The following HLA-DQA1 variants were observed in gnomAD, a reference collection of about 807,000 sequenced individuals.
HLA-DQA1 encodes HLA class II histocompatibility antigen, DQ alpha 1 chain.
Under a neutral mutation model 20.7 loss-of-function variants are expected in HLA-DQA1, and 10 were observed. The observed-to-expected ratio is 0.48, with a 90% CI of 0.30 to 0.82. The LOEUF is 0.82. HLA-DQA1 is among the 40% of genes least tolerant of loss of function. The pLI is 0.07. For missense variants in HLA-DQA1, 127 were observed against 293.0 expected (o/e 0.43, Z 4.14); for synonymous variants, 39 against 109.2 (o/e 0.36, Z 4.01).
the HLA-DQA1 span, among the ~76,000 whole-genome samples, chr6:32,654,221 C>G: frequency 1.2e-5 from 1 of 83,596 alleles, no homozygotes. Flanking sequence ...GGAGGATGGA[C>G]TGAGCCCAGG....
chr6:32,644,190 C>T (rs998199945), downstream of HLA-DQA1: 32 of 146,324 alleles, frequency 2.2e-4, no homozygotes, highest in African/African-American at 7.7e-4. Flanking sequence ...TCGCCATCTC[C>T]GAGGAGAAAC....
the HLA-DQA1 span, among the ~76,000 whole-genome samples, chr6:32,655,240 T>G: frequency 7.7e-6 from 1 of 129,130 alleles, no homozygotes; most frequent in Non-Finnish European, 1.7e-5. Flanking sequence ...AACTTTTTCT[T>G]GTTCAAATAA....
chr6:32,642,050 A>G lies in HLA-DQA1; in HGVS notation c.410A>G (p.Asn137Ser). ...AACACCCTCATTTGTCTTGTGGACAACATCTTTCCTCCTGTGGTCAACATC... is the reference window on the plus strand; with the variant it reads ...AACACCCTCATTTGTCTTGTGGACAGCATCTTTCCTCCTGTGGTCAACATC... ...QPNTLICLVD[N>S]IFPPVVNITW... The change falls in exon 3 of 5, where the codon AAC becomes AGC. Residue 137 changes from asparagine to serine, a missense_variant. By Grantham distance (46) the Asn-to-Ser change is conservative. Transcript: ENST00000343139. 2 of 1,404,230 alleles carry G rather than the reference A, an allele frequency of 1.4e-6. 1 individual carries two copies. Among genetic ancestry groups the G allele is most frequent in the Non-Finnish European group, 2.0e-6 (2 of 1,020,582 alleles). 87.0% of individuals were successfully genotyped at this position (1,404,230 alleles called of 1,614,324 possible). A position where few individuals can be genotyped will look rare whatever the true frequency, so the allele number is the denominator to read the frequency against.
intron 1 of HLA-DQA1, chr6:32,638,807 A>G (rs199705602): frequency 0.05 from 3,814 of 76,650 alleles, 1,046 homozygotes; most frequent in East Asian, 0.28. Context: ...AGGAAGGAAG[A>G]AAGGAAGCAC....
At position 32,643,280 on chromosome 6, in the gene HLA-DQA1, A is replaced by G. The variant is rs1208893821; in HGVS notation, c.*349A>G. The G allele has an allele frequency of 1.3e-5, 4 of 310,594 alleles. 1 individual carries two copies. Among genetic ancestry groups the G allele is most frequent in the Non-Finnish European group, 2.5e-5 (4 of 157,532 alleles). 19.2% of individuals were successfully genotyped at this position (310,594 alleles called of 1,614,324 possible). ...TATGAGATCTATGTCAAATTTTTCC[A>G]TCTTTCATCCAGGGCTGACTGAAAC... On this transcript the variant is annotated 3_prime_UTR_variant, in exon 5 of 5. Coordinates refer to ENST00000343139, the MANE Select transcript of HLA-DQA1 (RefSeq NM_002122.5).
downstream of HLA-DQA1, among the ~76,000 whole-genome samples, chr6:32,650,582 G>C (rs1338166861): frequency 1.1e-5 from 1 of 93,594 alleles, no homozygotes; most frequent in Non-Finnish European, 2.3e-5. Flanking sequence ...CCATCATTCT[G>C]AGCAAACTAT....
downstream of HLA-DQA1, among the ~76,000 whole-genome samples, chr6:32,651,381 A>G (rs563776801): frequency 4.3e-4 from 35 of 81,958 alleles, 11 homozygotes; most frequent in South Asian, 1.2e-3. Context: ...TCAGGAGATC[A>G]AGACCATCCT....
downstream of HLA-DQA1, chr6:32,646,740 ATTG>A (rs1396026726): frequency 8.5e-6 from 1 of 118,302 alleles, no homozygotes; most frequent in Non-Finnish European, 1.8e-5. Flanking sequence ...AATTTGTGTT[ATTG>A]TTATTTTCTG....
chr6:32,637,455 G>A lies in HLA-DQA1; in HGVS notation c.-4G>A, dbSNP rs765825504. ...CCAACTGCTGAGGCTGCCTTGGGAAGAGGATGATCCTAAACAAAGCTCTGC... is the reference window on the plus strand; with the variant it reads ...CCAACTGCTGAGGCTGCCTTGGGAAAAGGATGATCCTAAACAAAGCTCTGC... On this transcript the variant is annotated 5_prime_UTR_variant, in exon 1 of 5. Coordinates refer to ENST00000343139, the MANE Select transcript of HLA-DQA1 (RefSeq NM_002122.5). 1.7e-6 allele frequency: 2 copies of A among 1,158,090 alleles called. No individual in the cohort carries two copies. The highest frequency in any genetic ancestry group is 1.2e-6 in the Non-Finnish European group (1 of 827,456). 71.7% of individuals were successfully genotyped at this position (1,158,090 alleles called of 1,614,324 possible).
At chr6:32,639,180 C>A in intron 1 of HLA-DQA1, 1 of 194,558 alleles carries the variant, frequency 5.1e-6, no homozygotes, top group Non-Finnish European at 1.0e-5. Context: ...ATTCATTAGG[C>A]ACAATGTGGG....
At chr6:32,638,507 A>AT (rs1781064654) in intron 1 of HLA-DQA1, among the ~76,000 whole-genome samples, 1 of 93,798 alleles carries the variant, frequency 1.1e-5, no homozygotes, top group Admixed American at 1.3e-4. Flanking sequence ...CCTCATCTCT[A>AT]CAAAAAAAGA....
At chr6:32,649,163 C>T (rs1244412673), downstream of HLA-DQA1, among the ~76,000 whole-genome samples, 2 of 96,564 alleles carry the variant, frequency 2.1e-5, 1 homozygote, top group African/African-American at 7.1e-5. Context: ...ACATTCAATG[C>T]TCGTGGATAG....
chr6:32,651,452 C>T (rs529480034), downstream of HLA-DQA1, among the ~76,000 whole-genome samples: 51 of 85,286 alleles, frequency 6.0e-4, 17 homozygotes, highest in African/African-American at 1.7e-3. Context: ...GGCATGGTGG[C>T]GGGCGCCTGT....
rs1781638446 is a variant in HLA-DQA1, at chr6:32,643,402, C to G, written c.*471C>G. On this transcript the variant is annotated 3_prime_UTR_variant, in exon 5 of 5. Coordinates refer to ENST00000343139, the MANE Select transcript of HLA-DQA1 (RefSeq NM_002122.5). ...CCAGTAACACAGAAGCCACCAAGTA[C>G]AGTATAGCCTGATAATATGTTGATT... 1 of 260,122 alleles carries G rather than the reference C, an allele frequency of 3.8e-6. No homozygotes were observed. Among genetic ancestry groups the G allele is most frequent in the African/African-American group, 2.3e-5 (1 of 43,972 alleles). 16.1% of individuals were successfully genotyped at this position (260,122 alleles called of 1,614,324 possible).
chr6:32,652,212 C>T, the HLA-DQA1 span, among the ~76,000 whole-genome samples: 4 of 83,388 alleles, frequency 4.8e-5, 1 homozygote, highest in African/African-American at 1.7e-4. Flanking sequence ...ACCCGGGAGG[C>T]GGAGTTTGCA....
intron 1 of HLA-DQA1, among the ~76,000 whole-genome samples, chr6:32,638,019 C>G (rs914598931): frequency 7.9e-6 from 1 of 126,086 alleles, no homozygotes; most frequent in African/African-American, 3.0e-5. Flanking sequence ...ACTCACATTT[C>G]CACATGGGAA....
chr6:32,649,810 T>C (rs1215040615), downstream of HLA-DQA1, among the ~76,000 whole-genome samples: 2 of 94,480 alleles, frequency 2.1e-5, 1 homozygote, highest in Non-Finnish European at 4.7e-5. Context: ...CCAAAAGCAA[T>C]GGCAACAAAA....
intron 1 of HLA-DQA1, among the ~76,000 whole-genome samples, chr6:32,638,199 T>G (rs1781034335): frequency 9.2e-6 from 1 of 108,930 alleles, no homozygotes. Flanking sequence ...AACATGAATG[T>G]CAATTTTTTT....
Position 32,638,940 on chromosome 6 carries a change from TAGAG to T in HLA-DQA1, c.82+1402_82+1405del, listed in dbSNP as rs369964893. On this transcript the variant is annotated intron_variant, in intron 1 of 4. Transcript: ENST00000343139. ...CCATCTCTGACTCCCTGCTCCTTTA[TAGAG>T]ATGGACAGTGGGTTTGTAAAACAAA... 739 of 350,354 alleles carry T rather than the reference TAGAG, an allele frequency of 2.1e-3. 70 individuals are homozygous for T. Among genetic ancestry groups the T allele is most frequent in the Admixed American group, 4.4e-3 (133 of 30,034 alleles). 21.7% of individuals were successfully genotyped at this position (350,354 alleles called of 1,614,324 possible).
Sources: allele counts gnomAD v4.1 joint callset (sites outside exome capture counted in the v4.1 genomes callset), GRCh38; gene constraint gnomAD v4.1.1; transcripts MANE v1.5; gene names NCBI Gene and HGNC (gene_info 2026-07-23, HGNC 2026-07-21).